Variants in KLF15 observed in about 807,000 individuals in gnomAD.
KLF15 encodes the protein KLF transcription factor 15.
KLF15 carries 4 observed loss-of-function variants against 24.6 expected under a neutral mutation model. That is an observed-to-expected ratio of 0.16 (90% CI 0.08 to 0.37). KLF15 has a LOEUF of 0.37. KLF15 is among the 10% of genes least tolerant of loss of function. The pLI is 1.00. For synonymous variants in KLF15, 246 were observed against 236.3 expected, an observed-to-expected ratio of 1.04 and a Z score of -0.37; for missense variants, 496 against 560.6, an observed-to-expected ratio of 0.88 and a Z score of 1.16.
chr3:126,305,668 A>G, the KLF15 span, among the ~76,000 whole-genome samples: 5 of 152,292 alleles, frequency 3.3e-5, no homozygotes, highest in Admixed American at 2.6e-4. Flanking sequence ...CTGCTTTTCT[A>G]GCCTCTGGTG....
chr3:126,315,539 G>A, the KLF15 span, among the ~76,000 whole-genome samples: 2 of 152,216 alleles, frequency 1.3e-5, no homozygotes, highest in Non-Finnish European at 2.9e-5. Flanking sequence ...CTACACAAGA[G>A]TGAAGAGGGA....
In KLF15 at chr3:126,343,900, G is replaced by C. The variant is rs778703463; in HGVS notation, c.1083-5C>G. ...AGCTCGTCAGAGCGCGAGAACCTGC[G>C]GGACATGGCGCGGTCAGCGAGGCCT... is the stretch of plus-strand genomic sequence containing the variant. On this transcript the variant is annotated splice_polypyrimidine_tract_variant and splice_region_variant and intron_variant, in intron 2 of 2. Coordinates refer to ENST00000296233, the MANE Select transcript of KLF15 (RefSeq NM_014079.4). 2.4e-5 allele frequency: 38 copies of C among 1,576,560 alleles called. No individual in the cohort carries two copies. Among genetic ancestry groups the C allele is most frequent in the Non-Finnish European group, 3.1e-5 (36 of 1,162,542 alleles).
intron 1 of KLF15, among the ~76,000 whole-genome samples, chr3:126,353,674 C>T (rs937338990): frequency 2.6e-5 from 4 of 152,332 alleles, no homozygotes; most frequent in Non-Finnish European, 4.4e-5. Context: ...TGCCTGCCTG[C>T]GCAGCTGTTT....
chr3:126,289,968 G>C, the KLF15 span, among the ~76,000 whole-genome samples: 1 of 152,206 alleles, frequency 6.6e-6, no homozygotes, highest in Non-Finnish European at 1.5e-5. Flanking sequence ...TGTTGCAAAA[G>C]AAAAGGAGCA....
the KLF15 span, among the ~76,000 whole-genome samples, chr3:126,292,422 G>A: frequency 6.6e-6 from 1 of 152,194 alleles, no homozygotes; most frequent in Non-Finnish European, 1.5e-5. Context: ...CTCCCCACGG[G>A]AGGGCTACAG....
At chr3:126,357,172 G>C (rs1285256602) in intron 1 of KLF15, 65 bp downstream of exon 1, 1 of 150,816 alleles carries the variant, frequency 6.6e-6, no homozygotes, top group Non-Finnish European at 1.5e-5. Flanking sequence ...CCCGAGGCCG[G>C]CCAGCCCTCT....
intron 1 of KLF15, among the ~76,000 whole-genome samples, chr3:126,354,769 A>G (rs2082616639): frequency 6.6e-6 from 1 of 152,174 alleles, no homozygotes; most frequent in Admixed American, 6.5e-5. Flanking sequence ...CCCACACTCC[A>G]CCCTGGGCCT....
chr3:126,320,691 T>G, the KLF15 span, among the ~76,000 whole-genome samples: 1 of 152,116 alleles, frequency 6.6e-6, no homozygotes, highest in Non-Finnish European at 1.5e-5. Context: ...CAGACTGCCC[T>G]GTGGATGCTG....
At chr3:126,338,731 A>C (rs1039443812), downstream of KLF15, among the ~76,000 whole-genome samples, 32 of 152,226 alleles carry the variant, frequency 2.1e-4, no homozygotes, top group African/African-American at 7.7e-4. Context: ...TTCTGCAGAA[A>C]TGTATTTTCA....
At position 126,352,299 on chromosome 3, in the gene KLF15, A is replaced by C; in HGVS notation, c.624T>G (p.Gly208=). 6.4e-7 allele frequency: 1 copy of C among 1,550,596 alleles called. No homozygotes were observed. The highest frequency in any genetic ancestry group is 8.7e-7 in the Non-Finnish European group (1 of 1,151,600). The change falls in exon 2 of 3, where the codon GGT becomes GGG. Residue 208 remains glycine (G), a synonymous_variant. Transcript: ENST00000296233. Reference sequence around the variant, plus strand: ...TGGGGCCATCAGGCGTGGGGCCCCCACCTGGGCCCTGGGCACCTCCTGCAC... The same window carrying C: ...TGGGGCCATCAGGCGTGGGGCCCCCCCCTGGGCCCTGGGCACCTCCTGCAC... ...GASAGGAQGP[G]GGPTPDGPIP...
downstream of KLF15, among the ~76,000 whole-genome samples, chr3:126,339,762 A>G (rs1354279510): frequency 6.6e-6 from 1 of 152,088 alleles, no homozygotes. Context: ...CTTTCTGCCT[A>G]TGTCCCCTCT....
At chr3:126,310,538 G>C in the KLF15 span, among the ~76,000 whole-genome samples, 82 of 152,284 alleles carry the variant, frequency 5.4e-4, 1 homozygote, top group East Asian at 0.015. Context: ...CAGAGAAGGG[G>C]GGGTGGGTGT....
At chr3:126,299,532 G>A in the KLF15 span, among the ~76,000 whole-genome samples, 7 of 151,938 alleles carry the variant, frequency 4.6e-5, no homozygotes, top group South Asian at 4.2e-4. Flanking sequence ...GGCAGATCAC[G>A]AGGTCAGGAG....
At chr3:126,329,602 A>T in the KLF15 span, among the ~76,000 whole-genome samples, 2 of 152,204 alleles carry the variant, frequency 1.3e-5, no homozygotes, top group African/African-American at 2.4e-5. Context: ...TTGTCGTGTC[A>T]TATTGGGTTG....
the KLF15 span, among the ~76,000 whole-genome samples, chr3:126,323,421 A>AACATATATATGT: frequency 0.11 from 3,802 of 35,066 alleles, 386 homozygotes; most frequent in Non-Finnish European, 0.14. Flanking sequence ...ATATATATAT[A>AACATATATATGT]TATATATATA....
chr3:126,295,182 A>G, the KLF15 span, among the ~76,000 whole-genome samples: 1 of 152,214 alleles, frequency 6.6e-6, no homozygotes, highest in Non-Finnish European at 1.5e-5. Context: ...ATATATAAAT[A>G]TATATTCCAA....
the KLF15 span, among the ~76,000 whole-genome samples, chr3:126,310,399 C>T: frequency 6.6e-6 from 1 of 152,210 alleles, no homozygotes; most frequent in Non-Finnish European, 1.5e-5. Context: ...AATGTGACCC[C>T]AGCATTGGAT....
chr3:126,312,425 T>C, the KLF15 span, among the ~76,000 whole-genome samples: 1 of 152,166 alleles, frequency 6.6e-6, no homozygotes, highest in Non-Finnish European at 1.5e-5. Flanking sequence ...TCCTCCCACC[T>C]TGGTCATCCA....
At chr3:126,333,370 C>T in the KLF15 span, among the ~76,000 whole-genome samples, 4 of 149,328 alleles carry the variant, frequency 2.7e-5, no homozygotes, top group African/African-American at 1.0e-4. Flanking sequence ...CAAGCAAATG[C>T]TGAGAGATTT....
Sources: allele counts gnomAD v4.1 joint callset (sites outside exome capture counted in the v4.1 genomes callset), GRCh38; gene constraint gnomAD v4.1.1; transcripts MANE v1.5; gene names NCBI Gene and HGNC (gene_info 2026-07-23, HGNC 2026-07-21).